DHX37: variants seen among roughly 807,000 people sequenced by gnomAD.
DHX37 encodes the protein DEAH-box helicase 37, also known as probable ATP-dependent RNA helicase DHX37.
DHX37 carries 52 observed loss-of-function variants against 134.3 expected under a neutral mutation model. The observed-to-expected ratio is 0.39, with a 90% confidence interval of 0.31 to 0.49. The LOEUF is 0.49. DHX37 is among the 20% of genes least tolerant of loss of function. The pLI, the probability that DHX37 is intolerant of heterozygous loss-of-function variation, is 0.93. For missense variants in DHX37, 1,344 were observed against 1,580.8 expected (o/e 0.85, Z 2.54); for synonymous variants, 634 against 670.7 (o/e 0.95, Z 0.85).
At position 124,956,695 on chromosome 12, in the gene DHX37, C is replaced by T; in HGVS notation, c.2449G>A (p.Asp817Asn). Reference protein sequence around the residue: ...MTVRELFEELDRPAASDEELT... With the variant: ...MTVRELFEELNRPAASDEELT... ...GCCCAGCCGCCAACCTCGCACCTGT[C>T]CAGCTCCTCAAACAGCTCCCGCACC... Residue 817 changes from aspartate (D) to asparagine (N), a missense_variant, in exon 18 of 27, where the codon GAC becomes AAC. By Grantham distance (23) the Asp-to-Asn change is conservative. Coordinates refer to ENST00000308736, the MANE Select transcript of DHX37 (RefSeq NM_032656.4). 6.4e-7 allele frequency: 1 copy of T among 1,564,584 alleles called. No homozygotes were observed. Among genetic ancestry groups the T allele is most frequent in the Non-Finnish European group, 8.7e-7 (1 of 1,148,206 alleles).
chr12:124,969,340 G>A (rs902125582), intron 8 of DHX37, among the ~76,000 whole-genome samples: 2 of 152,102 alleles, frequency 1.3e-5, no homozygotes, highest in Non-Finnish European at 2.9e-5. Flanking sequence ...GAGAGCTCCC[G>A]GGAGCTCCCT....
intron 1 of DHX37, among the ~76,000 whole-genome samples, chr12:124,987,987 C>CTTTTT (rs11349687): frequency 1.0e-4 from 8 of 79,682 alleles, no homozygotes; most frequent in African/African-American, 1.2e-4. Context: ...GTCTGTGGAA[C>CTTTTT]TTTTTTTTTT....
At chr12:124,953,739 G>A (rs920883343) in intron 20 of DHX37, 141 bp downstream of exon 20, 17 of 1,368,708 alleles carry the variant, frequency 1.2e-5, no homozygotes, top group South Asian at 1.2e-4. Context: ...AGCTCCCCAA[G>A]TATTGATTTA....
chr12:124,979,903 T>C (rs886920895), intron 4 of DHX37, among the ~76,000 whole-genome samples: 22 of 152,084 alleles, frequency 1.4e-4, no homozygotes, highest in Non-Finnish European at 3.2e-4. Context: ...AGCAGAAAAA[T>C]GTACTTAGAA....
intron 2 of DHX37, among the ~76,000 whole-genome samples, chr12:124,983,886 A>C (rs1954808402): frequency 6.6e-6 from 1 of 152,138 alleles, no homozygotes; most frequent in Non-Finnish European, 1.5e-5. Context: ...GAGACCCTCA[A>C]GCCTCCTGAT....
Position 124,948,505 on chromosome 12 carries a change from G to A in DHX37, c.3291-324C>T, listed in dbSNP as rs1323132533. 8.0e-6 allele frequency: 3 copies of A among 373,474 alleles called. No homozygotes were observed. The East Asian group carries it at 1.6e-4, about 19-fold the overall frequency. 23.1% of individuals were successfully genotyped at this position (373,474 alleles called of 1,614,324 possible). A position where few individuals can be genotyped will look rare whatever the true frequency, so the allele number is the denominator to read the frequency against. ...CTCACGCCTGTAATCCCAGCACTTT[G>A]GGAAGCTGAGGCAGGTGGATCACCT... is the stretch of plus-strand genomic sequence containing the variant. On this transcript the variant is annotated intron_variant, in intron 25 of 26. Coordinates refer to ENST00000308736, the MANE Select transcript of DHX37 (RefSeq NM_032656.4).
rs1449042668 is a variant in DHX37 at position 124,952,264 on chromosome 12, C to CA, written c.2868+133dup. 2.6e-5 allele frequency: 23 copies of CA among 894,940 alleles called. No homozygotes were observed. The South Asian group carries it at 4.7e-4, about 18-fold the overall frequency. 55.4% of individuals were successfully genotyped at this position (894,940 alleles called of 1,614,324 possible). ...AACCAAGGAAGATGTGATTCTACTG[C>CA]AAGCCCCACTTGTTCCTCAGTGGGG... On this transcript the variant is annotated intron_variant, in intron 21 of 26. Transcript: ENST00000308736.
chr12:124,979,665 A>T (rs1348297740), intron 4 of DHX37, among the ~76,000 whole-genome samples: 1 of 152,210 alleles, frequency 6.6e-6, no homozygotes, highest in Non-Finnish European at 1.5e-5. Flanking sequence ...AATAGGGAAA[A>T]ATTCACAAAG....
Position 124,986,202 on chromosome 12 carries a change from T to C in DHX37, c.170A>G (p.Lys57Arg). 2 of 1,614,198 alleles carry C rather than the reference T, an allele frequency of 1.2e-6. No homozygotes were observed. Among genetic ancestry groups the C allele is most frequent in the Non-Finnish European group, 1.7e-6 (2 of 1,180,032 alleles). ...NALVLPGKKK[K>R]KTKAPPLSKK... ...CGACAGGGGAGGGGCTTTGGTCTTC[T>C]TTTTCTTCTTCCCCGGTAGAACGAG... The change falls in exon 2 of 27, where the codon AAG becomes AGG. Residue 57 changes from lysine to arginine, a missense_variant. Around this residue, in one of 7 missense-constraint regions of DHX37, gnomAD observed 319 missense variants for 296.1 expected, o/e 1.08. Transcript: ENST00000308736.
Position 124,986,225 on chromosome 12 carries a change from G to A in DHX37, c.147C>T (p.Leu49=), listed in dbSNP as rs768272411. 21 of 1,614,102 alleles carry A rather than the reference G, an allele frequency of 1.3e-5. No individual in the cohort carries two copies. The highest frequency in any genetic ancestry group is 1.4e-5 in the Non-Finnish European group (16 of 1,180,042). ...TLKGVDASNA[L]VLPGKKKKKT... ...TCTTTTTCTTCTTCCCCGGTAGAAC[G>A]AGCGCGTTGCTTGCATCAACTCCCT... is the stretch of plus-strand genomic sequence containing the variant. Residue 49 remains leucine, a synonymous_variant, in exon 2 of 27, where the codon CTC becomes CTT. Coordinates refer to ENST00000308736, the MANE Select transcript of DHX37 (RefSeq NM_032656.4).
At position 124,982,560 on chromosome 12, in the gene DHX37, A is replaced by G. The variant is rs1262669464; in HGVS notation, c.340T>C (p.Tyr114His). Residue 114 changes from tyrosine (Y) to histidine (H), a missense_variant, in exon 3 of 27, where the codon TAT becomes CAT. Transcript: ENST00000308736. ...CCAGTGCCTAGCTTGGAAGTGGTAT[A>G]AAAGAGTCTCATCTCAGCTTCGGAA... is the stretch of plus-strand genomic sequence containing the variant. ...QASEAEMRLFYTTSKLGTGNR... is the reference protein window; with the variant it reads ...QASEAEMRLFHTTSKLGTGNR... 6.2e-7 allele frequency: 1 copy of G among 1,613,770 alleles called. No homozygotes were observed. Among genetic ancestry groups the G allele is most frequent in the Admixed American group, 1.7e-5 (1 of 59,980 alleles).
chr12:124,949,332 C>T lies in DHX37; in HGVS notation c.3290+654G>A, dbSNP rs368850504. 6.6e-5 allele frequency among the ~76,000 whole-genome samples: 10 copies of T among 152,318 alleles called. No homozygotes were observed. The East Asian group carries it at 1.5e-3, about 24-fold the overall frequency. ...GCCTCCAGTGCCCCAAGCCCCTGCACCATAGGCCCCACCAGCCCCAGGAAG... is the reference window on the plus strand; with the variant it reads ...GCCTCCAGTGCCCCAAGCCCCTGCATCATAGGCCCCACCAGCCCCAGGAAG... On this transcript the variant is annotated intron_variant, in intron 25 of 26. Transcript: ENST00000308736. The surrounding 1 kb of genome is among the most constrained non-coding windows in gnomAD (Gnocchi z 4.0).
In DHX37 at chr12:124,975,476, C is replaced by T. The variant is rs1384892917; in HGVS notation, c.923G>A (p.Arg308Gln). 2 of 1,612,640 alleles carry T rather than the reference C, an allele frequency of 1.2e-6. No homozygotes were observed. Among genetic ancestry groups the T allele is most frequent in the African/African-American group, 1.3e-5 (1 of 74,922 alleles). ...DSIIGVTEPR[R>Q]VAAVAMSQRV... ...CTGGGACATGGCCACGGCGGCCACT[C>T]GGCGGGGCTCCGTGACACCGATGAT... Residue 308 changes from arginine (R) to glutamine (Q), a missense_variant, in exon 6 of 27, where the codon CGA becomes CAA. Physicochemically the swap from Arg to Gln is conservative, Grantham distance 43 (BLOSUM62 1). Around this residue, in one of 7 missense-constraint regions of DHX37, gnomAD observed 77 missense variants for 121.6 expected, o/e 0.63. Transcript: ENST00000308736.
At chr12:124,988,855 G>T in intron 1 of DHX37, 62 bp downstream of exon 1, 1 of 1,104,144 alleles carries the variant, frequency 9.1e-7, no homozygotes, top group South Asian at 3.5e-5. Flanking sequence ...GAGTCCTGAA[G>T]GCAGGGCACA....
chr12:124,950,836 A>G, intron 21 of DHX37, 32 bp from the exon 22 acceptor site: 1 of 1,565,074 alleles, frequency 6.4e-7, no homozygotes, highest in South Asian at 1.2e-5. Context: ...GTGGTCAGGG[A>G]AGAACCCATG....
intron 1 of DHX37, among the ~76,000 whole-genome samples, chr12:124,987,172 G>A (rs1345019637): frequency 1.3e-5 from 2 of 152,180 alleles, no homozygotes; most frequent in East Asian, 1.9e-4. Context: ...GCAAAATCCC[G>A]TCTCTACAAA....
intron 13 of DHX37, 30 bp downstream of exon 13, chr12:124,965,638 C>A: frequency 1.3e-6 from 2 of 1,576,768 alleles, no homozygotes; most frequent in Admixed American, 1.7e-5. Context: ...AGATAATGAA[C>A]ATGAGCAGGA....
intron 25 of DHX37, among the ~76,000 whole-genome samples, chr12:124,948,819 A>G (rs1463841382): frequency 2.6e-4 from 8 of 31,074 alleles, no homozygotes; most frequent in Non-Finnish European, 5.7e-4. Flanking sequence ...CTTCTAAAAA[A>G]TAAATAATAA....
chr12:124,987,148 G>A (rs1227572517), intron 1 of DHX37, among the ~76,000 whole-genome samples: 3 of 152,242 alleles, frequency 2.0e-5, no homozygotes, highest in African/African-American at 7.2e-5. Flanking sequence ...TTGGGGACCA[G>A]CCTGGCCAAC....
Sources: gnomAD v4.1 joint callset for allele counts (sites outside exome capture counted in the v4.1 genomes callset) on GRCh38, gnomAD v4.1.1 for gene constraint, gnomAD v4.1.1 regional missense constraint, Gnocchi (gnomAD v3.1) non-coding constraint, MANE v1.5 for transcripts, NCBI Gene and HGNC (gene_info 2026-07-23, HGNC 2026-07-21) for gene names.